The following CHD4 variants were observed in gnomAD, a reference collection of about 807,000 sequenced individuals.
CHD4 encodes the protein ATP-dependent chromatin remodeler CHD4.
Under a neutral mutation model 235.5 loss-of-function variants are expected in CHD4, and 35 were observed. The observed-to-expected ratio is 0.15, with a 90% CI of 0.11 to 0.20. The LOEUF (loss-of-function observed/expected upper bound fraction) is 0.20, where lower values mean the gene tolerates loss of function less well. Among genes scored for constraint, CHD4 ranks in the 10% least tolerant of loss-of-function variants. The probability of loss-of-function intolerance (pLI) is 1.00; values close to 1 mark genes in which losing one functional copy is unlikely to be tolerated. For synonymous variants in CHD4, 900 were observed against 850.2 expected, an observed-to-expected ratio of 1.06 and a Z score of -1.02; for missense variants, 1,329 against 2,432.3, an observed-to-expected ratio of 0.55 and a Z score of 9.54.
At chr12:6,580,135 G>C (rs923476327) in intron 33 of CHD4, 2 of 152,150 alleles carry the variant, frequency 1.3e-5, no homozygotes, top group Non-Finnish European at 2.9e-5. Flanking sequence ...GCTGAGGCAG[G>C]AGAATCGCTT....
rs932372779 is a variant in CHD4 at position 6,572,199 on chromosome 12, C to G, written c.5557+875G>C. On this transcript the variant is annotated intron_variant, in intron 38 of 39. Transcript: ENST00000544040. The stretch of plus-strand genomic sequence containing the variant: ...ATCCCAGCACTTTGGGAGGCGGAGG[C>G]GGGTGGATCACTTGAAGTCAGTTTG... Among the ~76,000 whole-genome samples the G allele has an allele frequency of 2.0e-5, 3 of 151,468 alleles. No individual in the cohort carries two copies. In the South Asian group the frequency reaches 6.3e-4, roughly 32 times the overall value.
intron 37 of CHD4, among the ~76,000 whole-genome samples, chr12:6,576,049 CTTTTT>C (rs35630388): frequency 6.9e-6 from 1 of 145,964 alleles, no homozygotes; most frequent in Non-Finnish European, 1.5e-5. Context: ...CTCTCGAGAA[CTTTTT>C]TTTTTTTTTA....
At chr12:6,580,715 A>AAAAACAAAAC in intron 33 of CHD4, 1 of 226,940 alleles carries the variant, frequency 4.4e-6, no homozygotes, top group Admixed American at 5.7e-5. Context: ...AAAAAAAAAA[A>AAAAACAAAAC]AAAAAAAAAA....
At chr12:6,595,581 A>C (rs920172529) in intron 13 of CHD4, 151 bp from the exon 14 acceptor site, 1 of 609,792 alleles carries the variant, frequency 1.6e-6, no homozygotes, top group African/African-American at 1.9e-5. Context: ...TGAGGTCAGG[A>C]GATCGAGACC....
intron 33 of CHD4, among the ~76,000 whole-genome samples, chr12:6,579,900 C>A (rs953325593): frequency 6.8e-6 from 1 of 148,134 alleles, no homozygotes. Flanking sequence ...ACTAAAAATA[C>A]AAAAAATTAG....
At chr12:6,584,281 A>G (rs1948243882) in intron 25 of CHD4, 1 of 152,216 alleles carries the variant, frequency 6.6e-6, no homozygotes, top group Admixed American at 6.5e-5. Flanking sequence ...TATAATTTGT[A>G]TACACATAAA....
intron 29 of CHD4, 145 bp downstream of exon 29, chr12:6,582,470 G>GAACA: frequency 7.4e-7 from 1 of 1,346,156 alleles, no homozygotes; most frequent in Non-Finnish European, 1.0e-6. Context: ...GGGAAGCTAG[G>GAACA]AACACATTAC....
chr12:6,599,749 C>A (rs368833592), intron 10 of CHD4, 24 bp downstream of exon 10: 33 of 1,610,402 alleles, frequency 2.0e-5, no homozygotes, highest in Admixed American at 1.0e-4. Flanking sequence ...CCATTTTTTG[C>A]CCCGGCTGAG....
chr12:6,606,529 T>C, intron 1 of CHD4, 78 bp from the exon 2 acceptor site: 1 of 505,550 alleles, frequency 2.0e-6, no homozygotes, highest in Non-Finnish European at 3.5e-6. Context: ...ACCCGCTCTT[T>C]CCGCCCCCCA....
intron 38 of CHD4, 136 bp from the exon 39 acceptor site, chr12:6,571,168 T>A: frequency 9.9e-7 from 1 of 1,008,842 alleles, no homozygotes; most frequent in Non-Finnish European, 1.4e-6. Flanking sequence ...TGACCTGACC[T>A]CCACCATGTT....
chr12:6,606,460 G>A lies in CHD4; in HGVS notation c.-78-9C>T, dbSNP rs999181287. The stretch of plus-strand genomic sequence containing the variant: ...TACACTGGCCCGAGTCACTGTGCGG[G>A]GGAGGGGGGAGAAACACAGAACAGT... On this transcript the variant is annotated splice_polypyrimidine_tract_variant and intron_variant, in intron 1 of 39. Coordinates refer to ENST00000544040, the MANE Select transcript of CHD4 (RefSeq NM_001273.5). 5.8e-6 allele frequency: 4 copies of A among 690,544 alleles called. No homozygotes were observed. Among genetic ancestry groups the A allele is most frequent in the South Asian group, 5.2e-5 (3 of 57,320 alleles). 42.8% of individuals were successfully genotyped at this position (690,544 alleles called of 1,614,324 possible).
intron 25 of CHD4, among the ~76,000 whole-genome samples, chr12:6,586,525 G>A (rs1232812810): frequency 1.3e-5 from 2 of 152,116 alleles, no homozygotes; most frequent in East Asian, 3.9e-4. Context: ...AGGAGTTCAA[G>A]ACCATCCTGG....
At chr12:6,578,306 C>A in intron 35 of CHD4, 103 bp downstream of exon 35, 1 of 1,460,956 alleles carries the variant, frequency 6.8e-7, no homozygotes, top group Non-Finnish European at 9.4e-7. Context: ...ATTCCCTCAT[C>A]AAACAGAGGT....
intron 35 of CHD4, 94 bp downstream of exon 35, chr12:6,578,315 G>T: frequency 6.1e-6 from 9 of 1,479,346 alleles, no homozygotes; most frequent in Non-Finnish European, 8.4e-6. Context: ...TCAAACAGAG[G>T]TAAAGAGGTA....
chr12:6,571,129 G>GT, intron 38 of CHD4, 97 bp from the exon 39 acceptor site: 1 of 1,406,074 alleles, frequency 7.1e-7, no homozygotes. Flanking sequence ...CAGTGACCAA[G>GT]TAACTGTGAT....
intron 37 of CHD4, among the ~76,000 whole-genome samples, chr12:6,575,626 CATG>C (rs1433102074): frequency 6.6e-6 from 1 of 152,134 alleles, no homozygotes; most frequent in East Asian, 1.9e-4. Context: ...CTTAACACCT[CATG>C]ATTATATGAC....
At chr12:6,578,230 T>C in intron 35 of CHD4, 93 bp from the exon 36 acceptor site, 1 of 1,345,064 alleles carries the variant, frequency 7.4e-7, no homozygotes. Context: ...CACCATCCCC[T>C]ACCCCTGGAT....
rs1438836718 is a variant in CHD4, at chr12:6,594,645, T to C, written c.2127A>G (p.Thr709=). The C allele has an allele frequency of 1.2e-6, 2 of 1,612,612 alleles. No homozygotes were observed. The highest frequency in any genetic ancestry group is 1.3e-5 in the African/African-American group (1 of 74,860). ...ACTCTGGCTGTCGCTCATACTTCAC[T>C]GTTGGCTGAAGGATGAAACAGAGAA... The part of the protein sequence containing the change: ...RPPETPTVDP[T]VKYERQPEYL... Residue 709 remains threonine, a synonymous_variant, in exon 15 of 40, where the codon ACA becomes ACG. Coordinates refer to ENST00000544040, the MANE Select transcript of CHD4 (RefSeq NM_001273.5).
intron 12 of CHD4, among the ~76,000 whole-genome samples, chr12:6,597,288 A>AAAAT (rs1054418626): frequency 6.6e-6 from 1 of 151,384 alleles, no homozygotes; most frequent in Non-Finnish European, 1.5e-5. Flanking sequence ...CAATAATAAT[A>AAAAT]AAATAAATAA....
Sources: allele counts gnomAD v4.1 joint callset (sites outside exome capture counted in the v4.1 genomes callset), GRCh38; gene constraint gnomAD v4.1.1; transcripts MANE v1.5; gene names NCBI Gene and HGNC (gene_info 2026-07-23, HGNC 2026-07-21).